The following CDH4 variants were observed in gnomAD, a reference collection of about 807,000 sequenced individuals.
CDH4 encodes the protein cadherin-4.
In CDH4, 33 loss-of-function variants were observed where a neutral mutation model predicts 86.0. That is an observed-to-expected ratio of 0.38 (90% CI 0.29 to 0.51). The LOEUF is 0.51. Ranked by LOEUF, CDH4 falls within the 20% of genes least tolerant of loss-of-function variation. The probability of loss-of-function intolerance (pLI) is 0.86; values close to 1 mark genes in which losing one functional copy is unlikely to be tolerated. For synonymous variants in CDH4, 555 were observed against 549.4 expected, an observed-to-expected ratio of 1.01 and a Z score of -0.14; for missense variants, 1,114 against 1,307.4, an observed-to-expected ratio of 0.85 and a Z score of 2.28.
Position 61,578,713 on chromosome 20 carries a change from G to A in CDH4, c.170-164850G>A, listed in dbSNP as rs967696850. ...TGTGCATGGAAAGTCTGGGCTGTGA[G>A]TGACACCAAACAAAACCCCCAATCC... On this transcript the variant is annotated intron_variant, in intron 2 of 15. Coordinates refer to ENST00000614565, the MANE Select transcript of CDH4 (RefSeq NM_001794.5). Among the ~76,000 whole-genome samples, 6 of 152,268 alleles carry A rather than the reference G, an allele frequency of 3.9e-5. No individual in the cohort carries two copies. In the South Asian group the frequency reaches 1.2e-3, roughly 32 times the overall value.
At chr20:61,535,220 G>A (rs1331134638) in intron 2 of CDH4, among the ~76,000 whole-genome samples, 2 of 152,210 alleles carry the variant, frequency 1.3e-5, no homozygotes, top group African/African-American at 2.4e-5. Flanking sequence ...TCAGAAGTGC[G>A]ACCTGATGAC....
chr20:61,375,607 C>CTTGG (rs2084863235), intron 2 of CDH4, among the ~76,000 whole-genome samples: 1 of 65,478 alleles, frequency 1.5e-5, no homozygotes, highest in Non-Finnish European at 2.8e-5. Context: ...GGTCATAGCA[C>CTTGG]TGGTGGTGAT....
At chr20:61,630,801 C>T (rs2086879828) in intron 2 of CDH4, among the ~76,000 whole-genome samples, 1 of 152,186 alleles carries the variant, frequency 6.6e-6, no homozygotes, top group Admixed American at 6.5e-5. Flanking sequence ...AGGTAGAAAA[C>T]AGGGTTCAGT....
intron 4 of CDH4, among the ~76,000 whole-genome samples, chr20:61,812,053 C>T (rs1462376677): frequency 6.6e-6 from 1 of 152,142 alleles, no homozygotes; most frequent in East Asian, 1.9e-4. Flanking sequence ...TTCGTCTTTC[C>T]TGTTTCTCCC....
At chr20:61,917,562 C>T (rs781076810) in intron 9 of CDH4, among the ~76,000 whole-genome samples, 1 of 152,228 alleles carries the variant, frequency 6.6e-6, no homozygotes, top group Non-Finnish European at 1.5e-5. Flanking sequence ...AAGACAGGGG[C>T]GCAGAGTGAG....
rs1181420482 is a variant in CDH4 at position 61,544,049 on chromosome 20, C to T, written c.170-199514C>T. 6.6e-6 allele frequency among the ~76,000 whole-genome samples: 1 copy of T among 152,180 alleles called. No individual in the cohort carries two copies. The highest frequency in any genetic ancestry group is 2.4e-5 in the African/African-American group (1 of 41,452). The stretch of plus-strand genomic sequence containing the variant: ...GGAGGCTGCCCCACACCCCCGGCCC[C>T]ACACCTGGCTCTTGGCACTAAGGTC... On this transcript the variant is annotated intron_variant, in intron 2 of 15. Coordinates refer to ENST00000614565, the MANE Select transcript of CDH4 (RefSeq NM_001794.5). The surrounding 1 kb of genome is among the most constrained non-coding windows in gnomAD (Gnocchi z 6.5).
rs559576798 is a variant in CDH4, at chr20:61,618,751, G to C, written c.170-124812G>C. Among the ~76,000 whole-genome samples the C allele has an allele frequency of 2.0e-5, 3 of 152,228 alleles. No homozygotes were observed. The East Asian group carries it at 5.8e-4, about 29-fold the overall frequency. On this transcript the variant is annotated intron_variant, in intron 2 of 15. Coordinates refer to ENST00000614565, the MANE Select transcript of CDH4 (RefSeq NM_001794.5). ...GTTTCGGTTAACTGAGAATTCACTC[G>C]TGTGAGCAATGCAGATGTGTTGCTC...
intron 2 of CDH4, among the ~76,000 whole-genome samples, chr20:61,677,456 T>C (rs1236611049): frequency 6.6e-6 from 1 of 152,242 alleles, no homozygotes; most frequent in Non-Finnish European, 1.5e-5. Context: ...TTTTTGTTAA[T>C]GTGTTATAGT....
chr20:61,460,599 G>A (rs565324359), intron 2 of CDH4, among the ~76,000 whole-genome samples: 40 of 152,206 alleles, frequency 2.6e-4, no homozygotes, highest in Non-Finnish European at 5.0e-4. Context: ...AGGCCAGGCC[G>A]CCCTGTCCAG....
rs534618168 is a variant in CDH4 at position 61,639,180 on chromosome 20, A to T, written c.170-104383A>T. On this transcript the variant is annotated intron_variant, in intron 2 of 15. Coordinates refer to ENST00000614565, the MANE Select transcript of CDH4 (RefSeq NM_001794.5). ...GTCCGTGCAAGGTGGTGAATTGAAA[A>T]TGTAGCACAGCAGGGATGTATCATG... 2.6e-5 allele frequency among the ~76,000 whole-genome samples: 4 copies of T among 152,342 alleles called. No homozygotes were observed. In the South Asian group the frequency reaches 8.3e-4, roughly 32 times the overall value.
intron 2 of CDH4, among the ~76,000 whole-genome samples, chr20:61,626,650 G>GGCAGCAGGTCTGCTTCTGCACCCA (rs1440005623): frequency 6.6e-6 from 1 of 152,184 alleles, no homozygotes; most frequent in Non-Finnish European, 1.5e-5. Flanking sequence ...AGCTAACGTG[G>GGCAGCAGGTCTGCTTCTGCACCCA]GCAGCAGGTC....
chr20:61,332,807 T>C (rs6028117), intron 2 of CDH4, among the ~76,000 whole-genome samples: 121,022 of 152,214 alleles, frequency 0.8, 48,852 homozygotes, highest in African/African-American at 0.94. Flanking sequence ...GTGGCGCCAG[T>C]CCTTCCTCTG....
intron 2 of CDH4, among the ~76,000 whole-genome samples, chr20:61,279,534 G>A (rs570214573): frequency 3.9e-4 from 60 of 152,182 alleles, no homozygotes; most frequent in Middle Eastern, 6.8e-3. Flanking sequence ...ACCCATGGGC[G>A]CTGGCTTCCT....
chr20:61,729,226 T>TG (rs2088149625), intron 2 of CDH4, among the ~76,000 whole-genome samples: 1 of 152,166 alleles, frequency 6.6e-6, no homozygotes, highest in Admixed American at 6.5e-5. Context: ...ACTCCTGTGT[T>TG]GGCGTGAGTG....
intron 2 of CDH4, among the ~76,000 whole-genome samples, chr20:61,323,374 G>A (rs570784843): frequency 1.3e-3 from 194 of 152,266 alleles, no homozygotes; most frequent in Non-Finnish European, 2.2e-3. Flanking sequence ...AGTCTTCATC[G>A]AGTGAGTGCT....
chr20:61,706,480 G>A (rs1045255011), intron 2 of CDH4, among the ~76,000 whole-genome samples: 3 of 152,184 alleles, frequency 2.0e-5, no homozygotes, highest in South Asian at 4.1e-4. Flanking sequence ...AAAGGCTGTA[G>A]CCAAAGGCAG....
intron 4 of CDH4, among the ~76,000 whole-genome samples, chr20:61,831,770 T>C (rs1465709706): frequency 6.6e-6 from 1 of 152,234 alleles, no homozygotes; most frequent in Non-Finnish European, 1.5e-5. Flanking sequence ...TGCAGTGGGA[T>C]TCCCAGCGTT....
intron 6 of CDH4, among the ~76,000 whole-genome samples, chr20:61,871,066 T>TAC (rs1983785273): frequency 1.3e-5 from 2 of 151,622 alleles, no homozygotes; most frequent in Non-Finnish European, 2.9e-5. Context: ...TGTGTGTGTG[T>TAC]ACATATCAGA....
At chr20:61,698,031 A>G (rs6089263) in intron 2 of CDH4, among the ~76,000 whole-genome samples, 1 of 152,132 alleles carries the variant, frequency 6.6e-6, no homozygotes, top group Admixed American at 6.5e-5. Context: ...GCTCAGGCTC[A>G]TCACTGAGCT....
Sources: allele counts gnomAD v4.1 joint callset (sites outside exome capture counted in the v4.1 genomes callset), GRCh38; gene constraint gnomAD v4.1.1; non-coding constraint Gnocchi (gnomAD v3.1); transcripts MANE v1.5; gene names NCBI Gene and HGNC (gene_info 2026-07-23, HGNC 2026-07-21).